The following RHOT1 variants were observed in gnomAD, a reference collection of about 807,000 sequenced individuals.
RHOT1 encodes mitochondrial Rho GTPase 1.
A neutral mutation model predicts 95.3 loss-of-function variants in RHOT1; 27 were observed. The observed-to-expected ratio is 0.28, with a 90% CI of 0.21 to 0.39. RHOT1 has a LOEUF of 0.39. Ranked by LOEUF, RHOT1 falls within the 10% of genes least tolerant of loss-of-function variation. The probability of loss-of-function intolerance (pLI) is 1.00; values close to 1 mark genes in which losing one functional copy is unlikely to be tolerated. For synonymous variants in RHOT1, 227 were observed against 263.5 expected (o/e 0.86, Z 1.34); for missense variants, 578 against 786.7 (o/e 0.73, Z 3.17).
intron 1 of RHOT1, among the ~76,000 whole-genome samples, chr17:32,166,205 GT>G (rs2034070177): frequency 6.8e-6 from 1 of 146,964 alleles, no homozygotes; most frequent in African/African-American, 2.6e-5. Context: ...AAAAAAAAAA[GT>G]TATGTTCATA....
intron 18 of RHOT1, 70 bp downstream of exon 18, chr17:32,208,379 G>A (rs555608379): frequency 1.5e-6 from 2 of 1,374,340 alleles, no homozygotes; most frequent in Admixed American, 1.7e-5. Context: ...TAGCCATGAA[G>A]GGAATATCTT....
At chr17:32,190,892 T>C (rs1309078799) in intron 8 of RHOT1, among the ~76,000 whole-genome samples, 1 of 152,082 alleles carries the variant, frequency 6.6e-6, no homozygotes, top group Non-Finnish European at 1.5e-5. Context: ...GCCTCCCGGG[T>C]TCAAGCGATT....
chr17:32,152,645 G>GGT (rs978248050), intron 1 of RHOT1, among the ~76,000 whole-genome samples: 1 of 152,020 alleles, frequency 6.6e-6, no homozygotes, highest in Non-Finnish European at 1.5e-5. Flanking sequence ...TAAGGGCCAT[G>GGT]GTGAGGGAGG....
intron 15 of RHOT1, 45 bp downstream of exon 15, chr17:32,202,945 A>G: frequency 6.3e-7 from 1 of 1,579,772 alleles, no homozygotes; most frequent in Non-Finnish European, 8.6e-7. Context: ...AAATTTTTAT[A>G]GTTACTAGTT....
chr17:32,204,821 A>G (rs1306218209), intron 16 of RHOT1, among the ~76,000 whole-genome samples: 3 of 151,702 alleles, frequency 2.0e-5, no homozygotes, highest in Non-Finnish European at 4.4e-5. Flanking sequence ...CCTGTCTACT[A>G]AAAGTACAAA....
At position 32,211,258 on chromosome 17, in the gene RHOT1, G is replaced by T; in HGVS notation, c.1862+20G>T. On this transcript the variant is annotated intron_variant, in intron 19 of 19. Transcript: ENST00000545287. ...TAACAGGTTCTTAACTTTATTTACT[G>T]GGTACCAGGCATTCTGTTAAAATAC... 1 of 1,588,254 alleles carries T rather than the reference G, an allele frequency of 6.3e-7. No homozygotes were observed.
intron 1 of RHOT1, among the ~76,000 whole-genome samples, chr17:32,149,779 C>T (rs553377529): frequency 2.6e-5 from 4 of 151,508 alleles, no homozygotes; most frequent in African/African-American, 9.7e-5. Context: ...AAGAGAGTCT[C>T]ACTCTGTTGC....
chr17:32,212,983 G>T (rs538290685), intron 19 of RHOT1, among the ~76,000 whole-genome samples: 2 of 152,224 alleles, frequency 1.3e-5, no homozygotes, highest in Admixed American at 1.3e-4. Flanking sequence ...TGCAGTTGTA[G>T]TGCGACTAGT....
At chr17:32,206,733 G>A (rs553325567) in intron 16 of RHOT1, among the ~76,000 whole-genome samples, 177 bp from the exon 17 acceptor site, 5 of 152,124 alleles carry the variant, frequency 3.3e-5, no homozygotes, top group South Asian at 2.1e-4. Flanking sequence ...GATTACAAGC[G>A]TGAGCCACCG....
At chr17:32,183,305 G>A in intron 8 of RHOT1, 33 bp downstream of exon 8, 1 of 1,227,556 alleles carries the variant, frequency 8.1e-7, no homozygotes, top group Non-Finnish European at 1.1e-6. Context: ...GCTGGAATGT[G>A]TATGTAGTAA....
At chr17:32,214,510 G>C (rs921080118) in intron 19 of RHOT1, among the ~76,000 whole-genome samples, 1 of 152,180 alleles carries the variant, frequency 6.6e-6, no homozygotes, top group African/African-American at 2.4e-5. Context: ...CATGAAAATA[G>C]AGGCCAAGGA....
intron 6 of RHOT1, among the ~76,000 whole-genome samples, chr17:32,181,259 C>T (rs911286135): frequency 6.6e-6 from 1 of 152,192 alleles, no homozygotes; most frequent in Non-Finnish European, 1.5e-5. Context: ...TCAGATTTAA[C>T]TTGTCTAAAA....
intron 1 of RHOT1, chr17:32,150,961 C>T (rs778886706): frequency 6.7e-7 from 1 of 1,493,780 alleles, no homozygotes; most frequent in Admixed American, 2.0e-5. Flanking sequence ...TTGCTGATTG[C>T]TGCTGCTGCT....
At chr17:32,143,189 G>C (rs1190714776) in intron 1 of RHOT1, 1 of 462,802 alleles carries the variant, frequency 2.2e-6, no homozygotes, top group African/African-American at 2.0e-5. Flanking sequence ...TAGGGATTGC[G>C]TGAACCGGCT....
chr17:32,204,925 G>A (rs1490787536), intron 16 of RHOT1, among the ~76,000 whole-genome samples: 1 of 151,454 alleles, frequency 6.6e-6, no homozygotes, highest in Non-Finnish European at 1.5e-5. Flanking sequence ...GGAGGTTGTA[G>A]TGAGCCAAGA....
intron 1 of RHOT1, among the ~76,000 whole-genome samples, chr17:32,166,029 A>G (rs560864782): frequency 1.3e-5 from 2 of 152,132 alleles, no homozygotes; most frequent in Admixed American, 6.5e-5. Context: ...TACTAAAAAT[A>G]CAAAAAAATG....
chr17:32,192,681 T>G (rs79820243), intron 9 of RHOT1, among the ~76,000 whole-genome samples: 4 of 150,474 alleles, frequency 2.7e-5, no homozygotes, highest in Non-Finnish European at 3.0e-5. Context: ...TTTTTTTTTT[T>G]TTGTTTTTGA....
At chr17:32,186,266 G>T (rs992478209) in intron 8 of RHOT1, among the ~76,000 whole-genome samples, 2 of 151,892 alleles carry the variant, frequency 1.3e-5, no homozygotes, top group Non-Finnish European at 1.5e-5. Context: ...GTTTTGATTT[G>T]CATTTCCCTG....
chr17:32,167,481 AATG>A (rs1358209612), intron 1 of RHOT1, among the ~76,000 whole-genome samples: 1 of 151,920 alleles, frequency 6.6e-6, no homozygotes, highest in African/African-American at 2.4e-5. Context: ...CACCCACCAC[AATG>A]CCCGGTTAAT....
Sources: gnomAD v4.1 joint callset for allele counts (sites outside exome capture counted in the v4.1 genomes callset) on GRCh38, gnomAD v4.1.1 for gene constraint, MANE v1.5 for transcripts, NCBI Gene and HGNC (gene_info 2026-07-23, HGNC 2026-07-21) for gene names.